The following CELF2 variants were observed in gnomAD, a reference collection of about 807,000 sequenced individuals.
CELF2 encodes the protein CUGBP Elav-like family member 2.
Under a neutral mutation model 62.6 loss-of-function variants are expected in CELF2, and 8 were observed. That is an observed-to-expected ratio of 0.13 (90% confidence interval 0.07 to 0.23). The LOEUF is 0.23. CELF2 is among the 10% of genes least tolerant of loss of function. CELF2 has a pLI of 1.00. For synonymous variants in CELF2, 258 were observed against 250.0 expected, an observed-to-expected ratio of 1.03 and a Z score of -0.30; for missense variants, 333 against 671.0, an observed-to-expected ratio of 0.50 and a Z score of 5.56.
chr10:10,641,505 G>A, the CELF2 span, among the ~76,000 whole-genome samples: 1 of 152,006 alleles, frequency 6.6e-6, no homozygotes, highest in East Asian at 1.9e-4. Flanking sequence ...CAATGGTGGG[G>A]TCTCTGCTCA....
chr10:10,471,052 ATACT>A, the CELF2 span, among the ~76,000 whole-genome samples: 2 of 151,500 alleles, frequency 1.3e-5, no homozygotes, highest in East Asian at 3.9e-4. Flanking sequence ...TAATTCCCAG[ATACT>A]TAGGGCCATT....
At chr10:10,545,505 T>A in the CELF2 span, among the ~76,000 whole-genome samples, 3 of 152,234 alleles carry the variant, frequency 2.0e-5, no homozygotes, top group Non-Finnish European at 4.4e-5. Flanking sequence ...AGATGCCCCT[T>A]ACATTAACAG....
intron 1 of CELF2, among the ~76,000 whole-genome samples, chr10:11,142,181 G>A (rs1303174736): frequency 6.6e-6 from 1 of 152,214 alleles, no homozygotes; most frequent in African/African-American, 2.4e-5. Context: ...ATTGATCACT[G>A]TATCTTGAAT....
At chr10:10,506,694 T>TTTTTTTTTC in the CELF2 span, among the ~76,000 whole-genome samples, 1 of 142,622 alleles carries the variant, frequency 7.0e-6, no homozygotes, top group African/African-American at 2.6e-5. Flanking sequence ...TTTTTTTTTT[T>TTTTTTTTTC]TTTTGAGATG....
the CELF2 span, among the ~76,000 whole-genome samples, chr10:10,547,200 C>T: frequency 6.6e-6 from 1 of 151,682 alleles, no homozygotes; most frequent in African/African-American, 2.4e-5. Flanking sequence ...AATCCTGGCC[C>T]TACCCAAATA....
At chr10:10,505,662 C>A in the CELF2 span, among the ~76,000 whole-genome samples, 1 of 152,136 alleles carries the variant, frequency 6.6e-6, no homozygotes, top group Non-Finnish European at 1.5e-5. Flanking sequence ...GGGTAAAATT[C>A]TAGGTTCCCC....
At chr10:10,481,745 AT>A in the CELF2 span, among the ~76,000 whole-genome samples, 7 of 152,172 alleles carry the variant, frequency 4.6e-5, no homozygotes, top group Non-Finnish European at 1.0e-4. Flanking sequence ...TTGTGTGATG[AT>A]TTTTTCCCTT....
the CELF2 span, among the ~76,000 whole-genome samples, chr10:10,632,418 C>A: frequency 2.1e-4 from 32 of 152,078 alleles, no homozygotes; most frequent in African/African-American, 6.8e-4. Context: ...TTTCTAATTT[C>A]ATACACACAC....
intron 2 of CELF2, among the ~76,000 whole-genome samples, chr10:11,194,168 C>T (rs1165261007): frequency 1.3e-5 from 2 of 152,088 alleles, no homozygotes; most frequent in African/African-American, 4.8e-5. Flanking sequence ...CAGGTTCAAG[C>T]GATTCTCCTG....
chr10:10,491,151 T>C, the CELF2 span, among the ~76,000 whole-genome samples: 1 of 152,200 alleles, frequency 6.6e-6, no homozygotes, highest in Non-Finnish European at 1.5e-5. Context: ...TTAGAGGAAC[T>C]TACTTGGCAA....
intron 1 of CELF2, among the ~76,000 whole-genome samples, chr10:10,837,465 C>A (rs1353243394): frequency 6.6e-6 from 1 of 152,202 alleles, no homozygotes; most frequent in Non-Finnish European, 1.5e-5. Flanking sequence ...CAGACTAATA[C>A]AACTGCTGTG....
At chr10:10,701,939 G>A in the CELF2 span, among the ~76,000 whole-genome samples, 2 of 152,138 alleles carry the variant, frequency 1.3e-5, no homozygotes, top group African/African-American at 2.4e-5. Context: ...CTTCTCCTGC[G>A]AAAAGTGCTT....
chr10:10,519,766 G>A, the CELF2 span, among the ~76,000 whole-genome samples: 3 of 152,138 alleles, frequency 2.0e-5, no homozygotes, highest in Non-Finnish European at 4.4e-5. Context: ...CTTTACCTGC[G>A]TTCACCATTA....
the CELF2 span, among the ~76,000 whole-genome samples, chr10:10,696,548 G>A: frequency 1.6e-3 from 239 of 151,970 alleles, 2 homozygotes; most frequent in African/African-American, 5.7e-3. Context: ...GAGCTTCCCT[G>A]CTGCTTTGTT....
the CELF2 span, among the ~76,000 whole-genome samples, chr10:10,728,139 G>A: frequency 1.3e-5 from 2 of 151,498 alleles, no homozygotes; most frequent in African/African-American, 4.9e-5. Flanking sequence ...GATAAGTATG[G>A]AGTAGAGAAA....
intron 1 of CELF2, among the ~76,000 whole-genome samples, chr10:11,100,710 G>A (rs1031739832): frequency 6.6e-6 from 1 of 152,146 alleles, no homozygotes; most frequent in African/African-American, 2.4e-5. Context: ...AGTTCCCGTA[G>A]CATTTTATAA....
chr10:10,725,351 C>A, the CELF2 span, among the ~76,000 whole-genome samples: 8 of 152,130 alleles, frequency 5.3e-5, no homozygotes, highest in African/African-American at 1.7e-4. Context: ...TCCAAGTGGT[C>A]GATTCCATCA....
In CELF2 at chr10:11,321,519, T is replaced by A. The variant is rs1205087954; in HGVS notation, c.1294+133T>A. ...AAGCAGTTGTTTTGTTATTCATGTT[T>A]AAAAAAAAAAAAAACTGAAAGCTGG... On this transcript the variant is annotated intron_variant, in intron 11 of 12. Coordinates refer to ENST00000633077, the MANE Select transcript of CELF2 (RefSeq NM_001326342.2). This position sits in a 1 kb window ranked among gnomAD's most constrained non-coding sequence, Gnocchi z 6.2. 5.4e-5 allele frequency: 31 copies of A among 572,336 alleles called. No homozygotes were observed. The highest frequency in any genetic ancestry group is 1.9e-4 in the South Asian group (8 of 41,540). The allele number at this position is 572,336 out of a possible 1,614,324, so 35.5% of individuals were successfully genotyped here. A position where few individuals can be genotyped will look rare whatever the true frequency, so the allele number is the denominator to read the frequency against.
chr10:11,278,721 G>T (rs946680233), intron 8 of CELF2, among the ~76,000 whole-genome samples: 2 of 152,180 alleles, frequency 1.3e-5, no homozygotes, highest in Non-Finnish European at 2.9e-5. Flanking sequence ...TGGAAAAAGG[G>T]AAGATGAAAA....
Sources: gnomAD v4.1 joint callset for allele counts (sites outside exome capture counted in the v4.1 genomes callset) on GRCh38, gnomAD v4.1.1 for gene constraint, Gnocchi (gnomAD v3.1) non-coding constraint, MANE v1.5 for transcripts, NCBI Gene and HGNC (gene_info 2026-07-23, HGNC 2026-07-21) for gene names.